The following RIMKLB variants were observed in gnomAD, a reference collection of about 807,000 sequenced individuals.
RIMKLB encodes beta-citrylglutamate synthase B.
A neutral mutation model predicts 32.0 loss-of-function variants in RIMKLB; 7 were observed. The observed-to-expected ratio is 0.22, with a 90% CI of 0.12 to 0.41. The LOEUF (loss-of-function observed/expected upper bound fraction) is 0.41. RIMKLB is among the 10% of genes least tolerant of loss of function. The pLI is 1.00. For missense variants in RIMKLB, 289 were observed against 498.7 expected (o/e 0.58, Z 4.00); for synonymous variants, 172 against 185.1 (o/e 0.93, Z 0.57).
At chr12:8,686,048 C>T (rs1292138865) in intron 1 of RIMKLB, among the ~76,000 whole-genome samples, 2 of 152,078 alleles carry the variant, frequency 1.3e-5, no homozygotes, top group Non-Finnish European at 2.9e-5. Flanking sequence ...CCTTGTGATC[C>T]GCCCACCTCG....
intron 3 of RIMKLB, among the ~76,000 whole-genome samples, chr12:8,750,668 T>G (rs182615668): frequency 6.6e-6 from 1 of 152,250 alleles, no homozygotes; most frequent in East Asian, 1.9e-4. Context: ...TTAATACTCA[T>G]GTAAAATATA....
chr12:8,730,092 T>TTG (rs1946401098), intron 2 of RIMKLB, among the ~76,000 whole-genome samples: 1 of 152,152 alleles, frequency 6.6e-6, no homozygotes, highest in African/African-American at 2.4e-5. Context: ...CTTTTGTTCT[T>TTG]TGTGTGTGTG....
intron 1 of RIMKLB, among the ~76,000 whole-genome samples, chr12:8,686,165 C>T (rs547133580): frequency 3.3e-5 from 5 of 152,118 alleles, no homozygotes; most frequent in Admixed American, 6.5e-5. Context: ...TGCTCTCGAA[C>T]TCCTGACCTC....
chr12:8,697,608 C>G, upstream of RIMKLB: 1 of 177,744 alleles, frequency 5.6e-6, no homozygotes, highest in South Asian at 6.9e-5. Context: ...CCCCCCCCAT[C>G]CGTTTCCCTT....
chr12:8,771,533 A>C (rs1156923922), intron 5 of RIMKLB, among the ~76,000 whole-genome samples: 2 of 152,228 alleles, frequency 1.3e-5, no homozygotes, highest in African/African-American at 4.8e-5. Context: ...AAGAAGAATA[A>C]TACTTTGTCT....
chr12:8,668,969 C>G, the RIMKLB span: 1 of 150,216 alleles, frequency 6.7e-6, no homozygotes, highest in South Asian at 2.1e-4. Flanking sequence ...TTATTTTTAT[C>G]TATTATATAA....
chr12:8,768,826 G>A (rs551669016), intron 5 of RIMKLB, among the ~76,000 whole-genome samples: 2 of 152,174 alleles, frequency 1.3e-5, no homozygotes, highest in African/African-American at 4.8e-5. Flanking sequence ...TTTTGCCAAA[G>A]AGTTTTGTGA....
chr12:8,742,716 G>T, intron 2 of RIMKLB: 1 of 220,916 alleles, frequency 4.5e-6, no homozygotes, highest in Non-Finnish European at 9.0e-6. Context: ...ACCACCACTG[G>T]AGCCACTCCT....
intron 2 of RIMKLB, among the ~76,000 whole-genome samples, chr12:8,747,316 G>C (rs1274497552): frequency 6.6e-6 from 1 of 152,106 alleles, no homozygotes; most frequent in Non-Finnish European, 1.5e-5. Flanking sequence ...ACAAATCGCA[G>C]AGAGACACGC....
In RIMKLB at chr12:8,754,021, G is replaced by A. The variant is rs1270918303; in HGVS notation, c.625G>A (p.Val209Met). ...TGGACGGGATGTACGTGTCATTGTCGTGGGAGGCCGTGTGGTTGGCACCAT... is the reference window on the plus strand; with the variant it reads ...TGGACGGGATGTACGTGTCATTGTCATGGGAGGCCGTGTGGTTGGCACCAT... ...SHGRDVRVIV[V>M]GGRVVGTMLR... Residue 209 changes from valine to methionine, a missense_variant, in exon 5 of 6, where the codon GTG becomes ATG. Physicochemically the swap from Val to Met is conservative, Grantham distance 21. Coordinates refer to ENST00000535829, the MANE Select transcript of RIMKLB (RefSeq NM_001297776.2). The A allele has an allele frequency of 2.5e-6, 4 of 1,613,922 alleles. No homozygotes were observed. The highest frequency in any genetic ancestry group is 2.7e-5 in the African/African-American group (2 of 74,934).
intron 2 of RIMKLB, among the ~76,000 whole-genome samples, chr12:8,715,315 C>G (rs993019405): frequency 6.7e-6 from 1 of 150,218 alleles, no homozygotes. Context: ...ACCTCTGCCT[C>G]CCAGGTTCAA....
rs551297743 is a variant in RIMKLB, at chr12:8,685,657, C to CT, written n.219+3850dup. ...GTGATGCCTGCTCTTTCATTTCTTA[C>CT]TTTTTTTTTTTGAGATGGAATCTGG... is the stretch of plus-strand genomic sequence containing the variant. On this transcript the variant is annotated intron_variant and non_coding_transcript_variant, in intron 1 of 1. Coordinates refer to the RIMKLB transcript ENST00000538758. Among the ~76,000 whole-genome samples the CT allele has an allele frequency of 1.6e-3, 230 of 144,322 alleles. 1 individual carries two copies. Among genetic ancestry groups the CT allele is most frequent in the Admixed American group, 3.0e-3 (44 of 14,620 alleles). 94.7% of individuals were successfully genotyped at this position (144,322 alleles called of 152,430 possible).
intron 2 of RIMKLB, among the ~76,000 whole-genome samples, chr12:8,744,666 ATTTAT>A (rs1947910291): frequency 6.7e-6 from 1 of 150,242 alleles, no homozygotes; most frequent in Non-Finnish European, 1.5e-5. Flanking sequence ...TTTAAACTTT[ATTTAT>A]TTATTTTGAG....
chr12:8,701,646 T>C, intron 1 of RIMKLB, among the ~76,000 whole-genome samples: 1 of 149,614 alleles, frequency 6.7e-6, no homozygotes, highest in African/African-American at 2.5e-5. Flanking sequence ...AGGCCTGATC[T>C]CTTTTTTTTT....
At position 8,702,084 on chromosome 12, in the gene RIMKLB, A is replaced by G. The variant is rs893174115; in HGVS notation, c.-57+3787A>G. ...ATATTAAAATAGCTATGATTTTTTG[A>G]TACTCTCTTACAATTTGATATAGCA... On this transcript the variant is annotated intron_variant, in intron 1 of 5. Coordinates refer to ENST00000535829, the MANE Select transcript of RIMKLB (RefSeq NM_001297776.2). 1.8e-4 allele frequency among the ~76,000 whole-genome samples: 27 copies of G among 151,884 alleles called. 1 individual carries two copies. The highest frequency in any genetic ancestry group is 4.6e-4 in the Admixed American group (7 of 15,252).
upstream of RIMKLB, among the ~76,000 whole-genome samples, chr12:8,696,669 C>G (rs1942899804): frequency 6.6e-6 from 1 of 152,124 alleles, no homozygotes; most frequent in Non-Finnish European, 1.5e-5. Context: ...CCAATCCGGG[C>G]AGTCTGGATC....
rs763828176 is a variant in RIMKLB at position 8,683,015 on chromosome 12, G to A, written n.219+1197G>A. Among the ~76,000 whole-genome samples the A allele has an allele frequency of 3.3e-5, 5 of 152,142 alleles. No homozygotes were observed. The South Asian group carries it at 8.3e-4, about 25-fold the overall frequency. ...ATATAGTTAGAATCATACAGTATGT[G>A]GACTTTTCAGATTGACTTCTTCCAC... On this transcript the variant is annotated intron_variant and non_coding_transcript_variant, in intron 1 of 1. Coordinates refer to the RIMKLB transcript ENST00000538758.
the RIMKLB span, among the ~76,000 whole-genome samples, chr12:8,672,703 C>A: frequency 6.6e-6 from 1 of 152,054 alleles, no homozygotes; most frequent in African/African-American, 2.4e-5. Flanking sequence ...GGGGACACAA[C>A]CAAACCATAT....
chr12:8,781,804 G>C (rs1951072977), downstream of RIMKLB, among the ~76,000 whole-genome samples: 1 of 151,744 alleles, frequency 6.6e-6, no homozygotes, highest in Non-Finnish European at 1.5e-5. Context: ...GAAATTAAAT[G>C]ATACTTTGAA....
Sources: allele counts gnomAD v4.1 joint callset (sites outside exome capture counted in the v4.1 genomes callset), GRCh38; gene constraint gnomAD v4.1.1; transcripts MANE v1.5; gene names NCBI Gene and HGNC (gene_info 2026-07-23, HGNC 2026-07-21).